EPN2: variants seen among roughly 807,000 people sequenced by gnomAD.
EPN2 encodes the protein epsin-2.
In EPN2, 34 loss-of-function variants were observed where a neutral mutation model predicts 61.7. The observed-to-expected ratio is 0.55, with a 90% confidence interval of 0.42 to 0.73. EPN2 has a LOEUF of 0.73. Among genes scored for constraint, EPN2 ranks in the 30% least tolerant of loss-of-function variants. The pLI is 0.00. For synonymous variants in EPN2, 349 were observed against 353.6 expected (o/e 0.99, Z 0.15); for missense variants, 714 against 839.2 (o/e 0.85, Z 1.84).
At position 19,335,609 on chromosome 17, in the gene EPN2, T is replaced by A; in HGVS notation, c.*1355T>A. ...GGTCCCTGGGCAACAGTCCCTAGGC[T>A]AAGACAGGGGTGGGGGGCTAAGGGA... On this transcript the variant is annotated 3_prime_UTR_variant, in exon 11 of 11. Transcript: ENST00000314728. The A allele has an allele frequency of 1.3e-4, 72 of 547,486 alleles. No homozygotes were observed. Among genetic ancestry groups the A allele is most frequent in the East Asian group, 3.8e-4 (9 of 23,776 alleles). The allele number at this position is 547,486 out of a possible 1,614,324, so 33.9% of individuals were successfully genotyped here. A position where few individuals can be genotyped will look rare whatever the true frequency, so the allele number is the denominator to read the frequency against.
At chr17:19,314,087 A>C (rs534440373) in intron 7 of EPN2, among the ~76,000 whole-genome samples, 35 of 152,126 alleles carry the variant, frequency 2.3e-4, no homozygotes, top group Non-Finnish European at 4.3e-4. Flanking sequence ...TCTTGTGTTT[A>C]ACTCGGTTCC....
chr17:19,314,655 C>T (rs1906302819), intron 7 of EPN2, among the ~76,000 whole-genome samples: 1 of 152,250 alleles, frequency 6.6e-6, no homozygotes, highest in African/African-American at 2.4e-5. Flanking sequence ...CTTATACCCC[C>T]TTTGGCAGGA....
In EPN2 at chr17:19,332,424, C is replaced by T. The variant is rs76215123; in HGVS notation, c.1627+356C>T. On this transcript the variant is annotated intron_variant, in intron 10 of 10. Coordinates refer to ENST00000314728, the MANE Select transcript of EPN2 (RefSeq NM_014964.5). ...GGGGTGAGGAAGAGCCAGGGTTTGG[C>T]GTGTAGCATTCCTCTCTCGGGAAAA... 6.8e-3 allele frequency among the ~76,000 whole-genome samples: 1,036 copies of T among 152,130 alleles called. 18 individuals are homozygous for T. The highest frequency in any genetic ancestry group is 0.024 in the African/African-American group (1,000 of 41,482).
intron 4 of EPN2, among the ~76,000 whole-genome samples, chr17:19,303,010 C>T (rs1905609276): frequency 6.6e-6 from 1 of 152,232 alleles, no homozygotes. Flanking sequence ...CGGAAGCGCA[C>T]TACAGGCATC....
chr17:19,314,443 T>C lies in EPN2; in HGVS notation c.1147+1164T>C, dbSNP rs3785781. On this transcript the variant is annotated intron_variant, in intron 7 of 10. Transcript: ENST00000314728. ...ACTCAGCGTGTGAGAAGCAGAGGGG[T>C]ACGGAGTGGTGGAGTGGGTGCAGAT... Among the ~76,000 whole-genome samples the C allele has an allele frequency of 7.9e-5, 12 of 151,986 alleles. No homozygotes were observed. The East Asian group carries it at 1.9e-3, about 25-fold the overall frequency.
At position 19,285,900 on chromosome 17, in the gene EPN2, G is replaced by A; in HGVS notation, c.766+110G>A. On this transcript the variant is annotated intron_variant, in intron 4 of 10. Coordinates refer to ENST00000314728, the MANE Select transcript of EPN2 (RefSeq NM_014964.5). This position sits in a 1 kb window ranked among gnomAD's most constrained non-coding sequence, Gnocchi z 4.5. ...CTCTCCCTGTCTCCTCTGGGCCTGG[G>A]GGTTTGGCCTCCAGCAGGCCCAGGA... 1 of 1,396,500 alleles carries A rather than the reference G, an allele frequency of 7.2e-7. No homozygotes were observed. Among genetic ancestry groups the A allele is most frequent in the Non-Finnish European group, 9.4e-7 (1 of 1,068,598 alleles). The allele number at this position is 1,396,500 out of a possible 1,614,324, so 86.5% of individuals were successfully genotyped here. A position where few individuals can be genotyped will look rare whatever the true frequency, so the allele number is the denominator to read the frequency against.
chr17:19,319,513 A>G (rs1456947100), intron 7 of EPN2, among the ~76,000 whole-genome samples: 1 of 151,078 alleles, frequency 6.6e-6, no homozygotes, highest in Non-Finnish European at 1.5e-5. Flanking sequence ...TTGTATTTTT[A>G]GTAGAGACGG....
chr17:19,267,080 C>T (rs1241561211), intron 1 of EPN2, among the ~76,000 whole-genome samples: 1 of 151,458 alleles, frequency 6.6e-6, no homozygotes, highest in African/African-American at 2.4e-5. Context: ...ACCTTGTGAT[C>T]CGCCTGCCTC....
intron 1 of EPN2, among the ~76,000 whole-genome samples, chr17:19,251,049 A>G (rs1449859161): frequency 6.6e-6 from 1 of 152,128 alleles, no homozygotes; most frequent in Non-Finnish European, 1.5e-5. Flanking sequence ...CTGGCACCCA[A>G]CACTAGTACA....
chr17:19,323,354 C>T lies in EPN2; in HGVS notation c.1148-5357C>T, dbSNP rs186318683. 2.6e-5 allele frequency among the ~76,000 whole-genome samples: 4 copies of T among 152,244 alleles called. No homozygotes were observed. In the East Asian group the frequency reaches 7.7e-4, roughly 29 times the overall value. On this transcript the variant is annotated intron_variant, in intron 7 of 10. Transcript: ENST00000314728. ...TAAACACGGGAGCAGAGTGAGGACA[C>T]CTAACACATATCTGTTTGGAGTTTC...
rs1026358693 is a variant in EPN2 at position 19,335,355 on chromosome 17, T to G, written c.*1101T>G. 13 of 1,530,654 alleles carry G rather than the reference T, an allele frequency of 8.5e-6. No homozygotes were observed. Among genetic ancestry groups the G allele is most frequent in the Non-Finnish European group, 1.1e-5 (13 of 1,132,722 alleles). 94.8% of individuals were successfully genotyped at this position (1,530,654 alleles called of 1,614,324 possible). A position where few individuals can be genotyped will look rare whatever the true frequency, so the allele number is the denominator to read the frequency against. On this transcript the variant is annotated 3_prime_UTR_variant, in exon 11 of 11. Transcript: ENST00000314728. ...AAGTTAAAGAAAAAAATCTAATGTA[T>G]GAATGTGACTCACCAATTTTTATCA...
At chr17:19,317,140 A>G (rs1380534846) in intron 7 of EPN2, among the ~76,000 whole-genome samples, 1 of 152,242 alleles carries the variant, frequency 6.6e-6, no homozygotes, top group African/African-American at 2.4e-5. Flanking sequence ...GGATGAAAGA[A>G]ACACTGTTTT....
chr17:19,327,278 C>G lies in EPN2; in HGVS notation c.1148-1433C>G, dbSNP rs1906923950. 2.0e-5 allele frequency among the ~76,000 whole-genome samples: 3 copies of G among 152,076 alleles called. No homozygotes were observed. In the South Asian group the frequency reaches 6.2e-4, roughly 32 times the overall value. On this transcript the variant is annotated intron_variant, in intron 7 of 10. Transcript: ENST00000314728. ...TCATAGAATGGAACAAAACAAATTC[C>G]AGCTCCACCTCAACACAGATGACTC... is the stretch of plus-strand genomic sequence containing the variant.
intron 1 of EPN2, chr17:19,271,517 G>A (rs901490834): frequency 6.6e-6 from 1 of 152,276 alleles, no homozygotes; most frequent in Non-Finnish European, 1.5e-5. Context: ...TTGAGCTTCA[G>A]CTAAGGTGAG....
At chr17:19,289,850 G>A (rs1336404729) in intron 4 of EPN2, among the ~76,000 whole-genome samples, 2 of 148,858 alleles carry the variant, frequency 1.3e-5, no homozygotes, top group African/African-American at 4.9e-5. Context: ...TCAGCCATCT[G>A]AGTAGCTGGG....
chr17:19,319,285 ACTGT>A (rs767767166), intron 7 of EPN2, among the ~76,000 whole-genome samples: 7 of 152,106 alleles, frequency 4.6e-5, no homozygotes, highest in Non-Finnish European at 1.0e-4. Context: ...TTAGAACCTC[ACTGT>A]CTGAGAGTAC....
intron 1 of EPN2, among the ~76,000 whole-genome samples, chr17:19,247,966 T>C (rs1055535782): frequency 1.3e-5 from 2 of 152,106 alleles, no homozygotes; most frequent in African/African-American, 4.8e-5. Flanking sequence ...AAAATGCCCA[T>C]GATGGGGCCC....
chr17:19,297,811 G>GA (rs1392155165), intron 4 of EPN2, among the ~76,000 whole-genome samples: 1 of 152,072 alleles, frequency 6.6e-6, no homozygotes, highest in Non-Finnish European at 1.5e-5. Context: ...TGATTTTTTT[G>GA]AAAAAATCTA....
intron 1 of EPN2, chr17:19,276,373 T>TC (rs2152214406): frequency 7.6e-6 from 1 of 131,762 alleles, no homozygotes; most frequent in Non-Finnish European, 1.6e-5. Flanking sequence ...TTTTTTTTTT[T>TC]TTTTTTTTTT....
Sources: allele counts gnomAD v4.1 joint callset (sites outside exome capture counted in the v4.1 genomes callset), GRCh38; gene constraint gnomAD v4.1.1; non-coding constraint Gnocchi (gnomAD v3.1); transcripts MANE v1.5; gene names NCBI Gene and HGNC (gene_info 2026-07-23, HGNC 2026-07-21).